The following CAMTA1 variants were observed in gnomAD, a reference collection of about 807,000 sequenced individuals.
CAMTA1 encodes calmodulin binding transcription activator 1.
In CAMTA1, 27 loss-of-function variants were observed where a neutral mutation model predicts 170.9. That is an observed-to-expected ratio of 0.16 (90% CI 0.12 to 0.22). CAMTA1 has a LOEUF of 0.22. Ranked by LOEUF, CAMTA1 falls within the 10% of genes least tolerant of loss-of-function variation. The pLI is 1.00. For synonymous variants in CAMTA1, 833 were observed against 891.5 expected (o/e 0.93, Z 1.17); for missense variants, 1,619 against 2,217.2 (o/e 0.73, Z 5.42).
At chr1:7,255,543 A>G (rs1233781712) in intron 5 of CAMTA1, among the ~76,000 whole-genome samples, 1 of 152,116 alleles carries the variant, frequency 6.6e-6, no homozygotes, top group Non-Finnish European at 1.5e-5. Flanking sequence ...CTTTAGCCAG[A>G]AGTGATGATT....
intron 3 of CAMTA1, among the ~76,000 whole-genome samples, chr1:6,948,050 A>G (rs1196751025): frequency 6.6e-6 from 1 of 152,094 alleles, no homozygotes; most frequent in Non-Finnish European, 1.5e-5. Flanking sequence ...TAGAACCTCC[A>G]GTACAATGTT....
intron 5 of CAMTA1, among the ~76,000 whole-genome samples, chr1:7,409,118 G>T (rs1289214037): frequency 6.6e-6 from 1 of 152,202 alleles, no homozygotes; most frequent in Admixed American, 6.5e-5. Context: ...GAGCCCAAGG[G>T]CTCTGACCTC....
chr1:7,093,653 A>G lies in CAMTA1; in HGVS notation c.302+2282A>G, dbSNP rs575022075. Among the ~76,000 whole-genome samples the G allele has an allele frequency of 6.6e-5, 10 of 152,234 alleles. No homozygotes were observed. The highest frequency in any genetic ancestry group is 3.3e-4 in the Admixed American group (5 of 15,294). ...TTCAGCCTTTGGAATTTGGGTTACAATTGAGAAGGGGATGTCACTCAGGGT... is the reference window on the plus strand; with the variant it reads ...TTCAGCCTTTGGAATTTGGGTTACAGTTGAGAAGGGGATGTCACTCAGGGT... On this transcript the variant is annotated intron_variant, in intron 4 of 22. Transcript: ENST00000303635. The surrounding 1 kb of genome is among the most constrained non-coding windows in gnomAD (Gnocchi z 4.6).
chr1:7,727,162 G>A (rs1399016090), intron 11 of CAMTA1, among the ~76,000 whole-genome samples: 1 of 139,560 alleles, frequency 7.2e-6, no homozygotes, highest in African/African-American at 2.7e-5. Flanking sequence ...TCGCTCTGTC[G>A]CCTAGGGTGG....
intron 5 of CAMTA1, among the ~76,000 whole-genome samples, chr1:7,352,886 T>C (rs1351304394): frequency 6.6e-6 from 1 of 152,244 alleles, no homozygotes; most frequent in Non-Finnish European, 1.5e-5. Flanking sequence ...CCACTCCGTG[T>C]GAGCCAGCCT....
intron 3 of CAMTA1, among the ~76,000 whole-genome samples, chr1:6,917,221 A>G (rs1479288103): frequency 6.6e-6 from 1 of 152,008 alleles, no homozygotes; most frequent in Non-Finnish European, 1.5e-5. Flanking sequence ...GGAGGAAGCC[A>G]GAGGGTTTGC....
intron 7 of CAMTA1, among the ~76,000 whole-genome samples, chr1:7,653,815 G>A (rs1034419560): frequency 3.3e-5 from 5 of 152,200 alleles, no homozygotes; most frequent in African/African-American, 1.2e-4. Context: ...CTGAGGATGG[G>A]AGATGAGCAG....
intron 3 of CAMTA1, among the ~76,000 whole-genome samples, chr1:6,860,608 T>C (rs1221233058): frequency 6.6e-6 from 1 of 152,082 alleles, no homozygotes; most frequent in African/African-American, 2.4e-5. Flanking sequence ...GCTCCTATTC[T>C]GTTCTTAAAG....
At chr1:7,192,520 T>G (rs1654730039) in intron 4 of CAMTA1, among the ~76,000 whole-genome samples, 1 of 152,218 alleles carries the variant, frequency 6.6e-6, no homozygotes, top group South Asian at 2.1e-4. Flanking sequence ...TGGGAATTTT[T>G]GAGTTAGATC....
At chr1:7,046,832 T>G (rs996380361) in intron 3 of CAMTA1, among the ~76,000 whole-genome samples, 2 of 152,196 alleles carry the variant, frequency 1.3e-5, no homozygotes, top group Non-Finnish European at 2.9e-5. Flanking sequence ...TTCCAGCTTG[T>G]TAAAAGGAGA....
chr1:7,398,193 C>CTATATATATATATATATATATATATATA, intron 5 of CAMTA1, among the ~76,000 whole-genome samples: 1 of 16,900 alleles, frequency 5.9e-5, no homozygotes, highest in Admixed American at 1.2e-3. Flanking sequence ...CTCTCTCTCT[C>CTATATATATATATATATATATATATATA]TATATATATA....
chr1:7,168,558 A>G (rs1648966292), intron 4 of CAMTA1, among the ~76,000 whole-genome samples: 1 of 152,048 alleles, frequency 6.6e-6, no homozygotes, highest in Non-Finnish European at 1.5e-5. Flanking sequence ...GTGCACCACC[A>G]CACCCAGCTA....
At chr1:6,995,281 CTTTTTTTTCTTTTCTTTTTT>C (rs1697027070) in intron 3 of CAMTA1, among the ~76,000 whole-genome samples, 1 of 83,860 alleles carries the variant, frequency 1.2e-5, no homozygotes, top group Non-Finnish European at 2.6e-5. Flanking sequence ...CCTTTAAAAT[CTTTTTTTTCTTTTCTTTTTT>C]TTTTTTTTTT....
intron 3 of CAMTA1, among the ~76,000 whole-genome samples, chr1:6,989,867 C>T (rs1234780214): frequency 6.6e-6 from 1 of 151,938 alleles, no homozygotes; most frequent in Admixed American, 6.6e-5. Flanking sequence ...ATTTACTGAC[C>T]TTGGGGGGTG....
intron 4 of CAMTA1, among the ~76,000 whole-genome samples, chr1:7,149,525 G>C (rs1183167833): frequency 2.6e-5 from 4 of 152,258 alleles, no homozygotes; most frequent in African/African-American, 9.6e-5. Context: ...CCGCGGGTCA[G>C]GTGCTTCACC....
chr1:7,639,089 C>G (rs2095739514), intron 6 of CAMTA1, among the ~76,000 whole-genome samples: 1 of 152,308 alleles, frequency 6.6e-6, no homozygotes, highest in East Asian at 1.9e-4. Flanking sequence ...CGCCATTCTC[C>G]TGCCTCAGCC....
At chr1:7,116,965 T>C (rs944658029) in intron 4 of CAMTA1, among the ~76,000 whole-genome samples, 54 of 150,142 alleles carry the variant, frequency 3.6e-4, no homozygotes, top group African/African-American at 1.3e-3. Context: ...TTAGTTTTCA[T>C]AGAAATAACT....
intron 3 of CAMTA1, among the ~76,000 whole-genome samples, chr1:7,038,998 C>T (rs1704039424): frequency 6.6e-6 from 1 of 152,032 alleles, no homozygotes. Flanking sequence ...CGAGATCCTG[C>T]CACTGCACTC....
chr1:6,905,033 G>A (rs1678074097), intron 3 of CAMTA1, among the ~76,000 whole-genome samples: 2 of 151,954 alleles, frequency 1.3e-5, no homozygotes, highest in South Asian at 2.1e-4. Context: ...TCTGGGGTCC[G>A]CTCTGTTGCT....
Sources: allele counts gnomAD v4.1 joint callset (sites outside exome capture counted in the v4.1 genomes callset), GRCh38; gene constraint gnomAD v4.1.1; non-coding constraint Gnocchi (gnomAD v3.1); transcripts MANE v1.5; gene names NCBI Gene and HGNC (gene_info 2026-07-23, HGNC 2026-07-21).